MCC: variants seen among roughly 807,000 people sequenced by gnomAD.
MCC encodes the protein MCC regulator of Wnt signaling pathway.
MCC carries 90 observed loss-of-function variants against 116.2 expected under a neutral mutation model. The ratio of observed to expected loss-of-function variants is 0.77; its 90% CI spans 0.65 to 0.92. The LOEUF is 0.92. MCC is among the 40% of genes least tolerant of loss of function. MCC has a pLI of 0.00. For synonymous variants in MCC, 578 were observed against 510.5 expected, an observed-to-expected ratio of 1.13 and a Z score of -1.78; for missense variants, 1,516 against 1,312.2, an observed-to-expected ratio of 1.16 and a Z score of -2.40.
At chr5:113,228,810 A>C (rs1055872923) in intron 3 of MCC, among the ~76,000 whole-genome samples, 1 of 152,206 alleles carries the variant, frequency 6.6e-6, no homozygotes, top group African/African-American at 2.4e-5. Flanking sequence ...AGCCATCAAA[A>C]ACAGGTGACA....
chr5:113,111,616 A>G (rs867245167), intron 6 of MCC, among the ~76,000 whole-genome samples: 3 of 152,230 alleles, frequency 2.0e-5, no homozygotes, highest in African/African-American at 7.2e-5. Flanking sequence ...TTGGGTCTCT[A>G]TTTAGAAATT....
intron 14 of MCC, among the ~76,000 whole-genome samples, chr5:113,055,000 A>G (rs995559242): frequency 3.3e-5 from 5 of 152,202 alleles, no homozygotes; most frequent in African/African-American, 1.2e-4. Flanking sequence ...CTGCACTTGC[A>G]CTGGGCCTCC....
At chr5:113,421,767 C>T (rs1184352686) in intron 1 of MCC, among the ~76,000 whole-genome samples, 1 of 152,180 alleles carries the variant, frequency 6.6e-6, no homozygotes, top group African/African-American at 2.4e-5. Flanking sequence ...GCTGCTGACT[C>T]CTTCCCCATT....
At chr5:113,187,760 A>C (rs1179839735) in intron 3 of MCC, among the ~76,000 whole-genome samples, 1 of 151,034 alleles carries the variant, frequency 6.6e-6, no homozygotes, top group African/African-American at 2.4e-5. Context: ...AACTCAAAAA[A>C]AAAAAAAAAA....
At position 113,071,287 on chromosome 5, in the gene MCC, T is replaced by C. The variant is rs958018451; in HGVS notation, c.1785-53A>G. 8 of 1,582,922 alleles carry C rather than the reference T, an allele frequency of 5.1e-6. No homozygotes were observed. The African/African-American group carries it at 1.1e-4, about 21-fold the overall frequency. ...ACTAGGGTTACAGTTAATTTGCCAA[T>C]ATTTCAGTTGTCTCATTTATATTCA... On this transcript the variant is annotated intron_variant, in intron 11 of 18. Transcript: ENST00000408903.
chr5:113,470,009 C>T (rs563522069), intron 1 of MCC, among the ~76,000 whole-genome samples: 72 of 152,254 alleles, frequency 4.7e-4, no homozygotes, highest in African/African-American at 1.5e-3. Flanking sequence ...GCAACCTCTG[C>T]CTTTTTTTGT....
intron 3 of MCC, chr5:113,294,215 G>T (rs1766623681): frequency 5.3e-6 from 7 of 1,326,580 alleles, no homozygotes; most frequent in African/African-American, 1.5e-5. Context: ...GCTGCCTCCA[G>T]ACTGGGAGCA....
rs756665080 is a variant in MCC, at chr5:113,488,449, C to A, written c.-35G>T. On this transcript the variant is annotated 5_prime_UTR_variant, in exon 1 of 19. Transcript: ENST00000408903. ...CCCTACTTGGGAGGAGGAGTACGCG[C>A]GACCGCAGCTGGAATCCGCGCGGCG... The A allele has an allele frequency of 7.2e-7, 1 of 1,389,980 alleles. No homozygotes were observed. 86.1% of individuals were successfully genotyped at this position (1,389,980 alleles called of 1,614,324 possible). A position where few individuals can be genotyped will look rare whatever the true frequency, so the allele number is the denominator to read the frequency against.
intron 17 of MCC, among the ~76,000 whole-genome samples, chr5:113,034,693 C>G (rs1229416199): frequency 1.3e-5 from 2 of 152,254 alleles, no homozygotes; most frequent in Admixed American, 6.5e-5. Flanking sequence ...CTCATCCTCA[C>G]CTTCCATTTA....
chr5:113,087,568 G>C (rs1250730584), intron 8 of MCC, among the ~76,000 whole-genome samples: 1 of 152,074 alleles, frequency 6.6e-6, no homozygotes. Flanking sequence ...ATTTCCTCAG[G>C]GACTGGGGGA....
chr5:113,413,136 G>T (rs187594612), intron 1 of MCC, among the ~76,000 whole-genome samples: 5,331 of 152,176 alleles, frequency 0.035, 139 homozygotes, highest in African/African-American at 0.069. Flanking sequence ...TGATCATGGT[G>T]GATAAGCTTT....
intron 1 of MCC, among the ~76,000 whole-genome samples, chr5:113,437,691 C>T (rs982895718): frequency 2.6e-5 from 4 of 152,160 alleles, no homozygotes; most frequent in Non-Finnish European, 4.4e-5. Flanking sequence ...TTTCTAAAAT[C>T]TACTCGGCAG....
chr5:113,230,849 G>C (rs1299797656), intron 3 of MCC, among the ~76,000 whole-genome samples: 2 of 152,086 alleles, frequency 1.3e-5, no homozygotes, highest in Admixed American at 6.6e-5. Flanking sequence ...TCTTCAATCA[G>C]TTGAGCTGTA....
In MCC at chr5:113,434,447, G is replaced by C; in HGVS notation, c.171-49235C>G. 1.2e-6 allele frequency: 2 copies of C among 1,613,864 alleles called. No homozygotes were observed. The highest frequency in any genetic ancestry group is 8.5e-7 in the Non-Finnish European group (1 of 1,179,958). On this transcript the variant is annotated intron_variant, in intron 1 of 18. Transcript: ENST00000408903. This position sits in a 1 kb window ranked among gnomAD's most constrained non-coding sequence, Gnocchi z 4.2. ...CACACTTGAGGTCCCGGTGGACGAC[G>C]TCCAGGTCGTGGCAGTACTTGATGG...
chr5:113,119,345 G>A (rs1757597580), intron 6 of MCC, among the ~76,000 whole-genome samples: 3 of 152,192 alleles, frequency 2.0e-5, no homozygotes, highest in African/African-American at 7.2e-5. Flanking sequence ...GCCTGAGAGT[G>A]AGGGATGAGG....
chr5:113,406,422 A>T (rs1769835637), intron 1 of MCC, among the ~76,000 whole-genome samples: 1 of 152,172 alleles, frequency 6.6e-6, no homozygotes, highest in South Asian at 2.1e-4. Context: ...ATCTAAAATG[A>T]CCCAAATCAG....
At chr5:113,263,498 G>A (rs1765289699) in intron 3 of MCC, among the ~76,000 whole-genome samples, 1 of 152,088 alleles carries the variant, frequency 6.6e-6, no homozygotes, top group Non-Finnish European at 1.5e-5. Flanking sequence ...TGCAAAATTG[G>A]TACCATTAAA....
intron 2 of MCC, among the ~76,000 whole-genome samples, chr5:113,344,294 G>A (rs1768082921): frequency 6.6e-6 from 1 of 152,188 alleles, no homozygotes; most frequent in South Asian, 2.1e-4. Flanking sequence ...GAGTTTCTCA[G>A]CAAGCCTTGC....
chr5:113,104,830 C>G (rs558162397), intron 6 of MCC, among the ~76,000 whole-genome samples: 6 of 152,172 alleles, frequency 3.9e-5, no homozygotes, highest in Non-Finnish European at 7.4e-5. Flanking sequence ...AGCCTAAAAC[C>G]AAGAACTTTT....
Sources: gnomAD v4.1 joint callset for allele counts (sites outside exome capture counted in the v4.1 genomes callset) on GRCh38, gnomAD v4.1.1 for gene constraint, Gnocchi (gnomAD v3.1) non-coding constraint, MANE v1.5 for transcripts, NCBI Gene and HGNC (gene_info 2026-07-23, HGNC 2026-07-21) for gene names.